Variants in ZFPM2 observed in about 807,000 individuals in gnomAD.
ZFPM2 encodes the protein zinc finger protein, FOG family member 2, also known as zinc finger protein ZFPM2.
In ZFPM2, 20 loss-of-function variants were observed where a neutral mutation model predicts 98.6. That is an observed-to-expected ratio of 0.20 (90% CI 0.14 to 0.29). ZFPM2 has a LOEUF of 0.29. Ranked by LOEUF, ZFPM2 falls within the 10% of genes least tolerant of loss-of-function variation. ZFPM2 has a pLI of 1.00. For missense variants in ZFPM2, 1,310 were observed against 1,388.6 expected (o/e 0.94, Z 0.90); for synonymous variants, 518 against 502.7 (o/e 1.03, Z -0.41).
At chr8:105,744,845 C>T (rs1489341834) in intron 5 of ZFPM2, among the ~76,000 whole-genome samples, 1 of 152,116 alleles carries the variant, frequency 6.6e-6, no homozygotes, top group East Asian at 1.9e-4. Flanking sequence ...TTGGAGGCAG[C>T]CTGAGCTGTG....
At chr8:105,637,959 G>A (rs1296320548) in intron 5 of ZFPM2, among the ~76,000 whole-genome samples, 1 of 152,010 alleles carries the variant, frequency 6.6e-6, no homozygotes, top group Non-Finnish European at 1.5e-5. Context: ...AAAAAATTGT[G>A]TGTGTGTGTG....
At chr8:105,649,959 C>T (rs573962231) in intron 5 of ZFPM2, among the ~76,000 whole-genome samples, 17 of 152,246 alleles carry the variant, frequency 1.1e-4, no homozygotes, top group Middle Eastern at 6.8e-3. Flanking sequence ...AAGAATGGTA[C>T]CAGCTCCTCC....
At chr8:105,648,673 A>G (rs906823253) in intron 5 of ZFPM2, among the ~76,000 whole-genome samples, 68 of 152,146 alleles carry the variant, frequency 4.5e-4, no homozygotes, top group Non-Finnish European at 3.4e-4. Context: ...GGTTTGTCAA[A>G]GATCAGATGG....
At chr8:105,523,331 G>A (rs1814103304) in intron 3 of ZFPM2, among the ~76,000 whole-genome samples, 1 of 152,178 alleles carries the variant, frequency 6.6e-6, no homozygotes, top group South Asian at 2.1e-4. Context: ...ATCACTTGAT[G>A]TCTATTAGGA....
At chr8:105,337,047 A>G (rs934274999) in intron 1 of ZFPM2, among the ~76,000 whole-genome samples, 3 of 151,830 alleles carry the variant, frequency 2.0e-5, no homozygotes, top group Non-Finnish European at 4.4e-5. Flanking sequence ...CGAAGAAACC[A>G]GTTGGTGAAA....
intron 5 of ZFPM2, among the ~76,000 whole-genome samples, chr8:105,644,218 T>C (rs1816997726): frequency 6.6e-6 from 1 of 151,810 alleles, no homozygotes; most frequent in African/African-American, 2.4e-5. Flanking sequence ...ATACAAACAG[T>C]GACACTACCT....
chr8:105,532,797 G>A (rs1404183990), intron 3 of ZFPM2, among the ~76,000 whole-genome samples: 4 of 152,112 alleles, frequency 2.6e-5, no homozygotes, highest in Admixed American at 6.6e-5. Flanking sequence ...ATTTTTACTC[G>A]TTATGGCTGG....
chr8:105,391,137 G>T (rs964820422), intron 1 of ZFPM2, among the ~76,000 whole-genome samples: 10 of 152,126 alleles, frequency 6.6e-5, no homozygotes, highest in African/African-American at 2.4e-4. Flanking sequence ...GTTTTGTGGA[G>T]CTATGCAACA....
chr8:105,636,105 GTCAGTTGTGGAATATT>G (rs749497507), intron 5 of ZFPM2, among the ~76,000 whole-genome samples: 1 of 152,048 alleles, frequency 6.6e-6, no homozygotes, highest in Non-Finnish European at 1.5e-5. Flanking sequence ...ATTGCATGAG[GTCAGTTGTGGAATATT>G]TCACTTGCGG....
Position 105,377,255 on chromosome 8 carries a change from A to G in ZFPM2, c.41-41889A>G, listed in dbSNP as rs567684114. On this transcript the variant is annotated intron_variant, in intron 1 of 7. Transcript: ENST00000407775. ...GTTGCCCGATGTTGGTAATCTTCATAGTGCTTACAACATTATAGTTTATTA... is the reference window on the plus strand; with the variant it reads ...GTTGCCCGATGTTGGTAATCTTCATGGTGCTTACAACATTATAGTTTATTA... Among the ~76,000 whole-genome samples the G allele has an allele frequency of 7.2e-5, 11 of 152,282 alleles. No homozygotes were observed. In the East Asian group the frequency reaches 2.1e-3, roughly 29 times the overall value.
intron 5 of ZFPM2, among the ~76,000 whole-genome samples, chr8:105,755,643 C>CG (rs1413752275): frequency 6.6e-6 from 1 of 152,072 alleles, no homozygotes; most frequent in Non-Finnish European, 1.5e-5. Flanking sequence ...ACTATATACT[C>CG]TAATGTATTT....
At chr8:105,624,021 T>G (rs924763743) in intron 4 of ZFPM2, among the ~76,000 whole-genome samples, 1 of 152,142 alleles carries the variant, frequency 6.6e-6, no homozygotes, top group African/African-American at 2.4e-5. Context: ...TGAGATTTGA[T>G]GGGAATTCTA....
At chr8:105,457,652 A>T (rs538666580) in intron 3 of ZFPM2, among the ~76,000 whole-genome samples, 21 of 152,284 alleles carry the variant, frequency 1.4e-4, no homozygotes, top group African/African-American at 5.1e-4. Context: ...TTCACATTGG[A>T]CCCACTTTAA....
intron 2 of ZFPM2, among the ~76,000 whole-genome samples, chr8:105,424,236 G>A (rs374092249): frequency 1.1e-4 from 16 of 152,096 alleles, no homozygotes; most frequent in Non-Finnish European, 1.6e-4. Flanking sequence ...GTTAAAAAGC[G>A]TCCTTACAAA....
At chr8:105,594,730 C>A (rs114097457) in intron 4 of ZFPM2, among the ~76,000 whole-genome samples, 1,588 of 152,168 alleles carry the variant, frequency 0.01, 21 homozygotes, top group African/African-American at 0.033. Context: ...TTTATACTAC[C>A]TCCCTACAGT....
intron 1 of ZFPM2, among the ~76,000 whole-genome samples, chr8:105,396,278 T>C (rs1811217114): frequency 6.6e-6 from 1 of 152,014 alleles, no homozygotes; most frequent in African/African-American, 2.4e-5. Context: ...ACTATAGGAG[T>C]GCTTCTCTGG....
At chr8:105,793,264 G>C (rs1235587939) in intron 6 of ZFPM2, among the ~76,000 whole-genome samples, 6 of 150,706 alleles carry the variant, frequency 4.0e-5, no homozygotes, top group Admixed American at 2.0e-4. Context: ...TTCAGGAGCT[G>C]TTTTAGGGCA....
chr8:105,736,843 C>T (rs188654196), intron 5 of ZFPM2, among the ~76,000 whole-genome samples: 1 of 152,006 alleles, frequency 6.6e-6, no homozygotes, highest in Non-Finnish European at 1.5e-5. Context: ...AGACATTTCT[C>T]CTATAAATAA....
chr8:105,591,776 A>C (rs1047849958), intron 4 of ZFPM2, among the ~76,000 whole-genome samples: 4 of 152,176 alleles, frequency 2.6e-5, no homozygotes, highest in Non-Finnish European at 5.9e-5. Flanking sequence ...AAAGTCCTCC[A>C]ACACCTGTAT....
Sources: gnomAD v4.1 joint callset for allele counts (sites outside exome capture counted in the v4.1 genomes callset) on GRCh38, gnomAD v4.1.1 for gene constraint, MANE v1.5 for transcripts, NCBI Gene and HGNC (gene_info 2026-07-23, HGNC 2026-07-21) for gene names.